SRRM4: variants seen among roughly 807,000 people sequenced by gnomAD.
SRRM4 encodes the protein serine/arginine repetitive matrix 4.
SRRM4 carries 33 observed loss-of-function variants against 68.9 expected under a neutral mutation model. That is an observed-to-expected ratio of 0.48 (90% CI 0.36 to 0.64). The LOEUF is 0.64. SRRM4 is among the 30% of genes least tolerant of loss of function. The pLI is 0.00. For synonymous variants in SRRM4, 318 were observed against 318.8 expected (o/e 1.00, Z 0.03); for missense variants, 817 against 827.1 (o/e 0.99, Z 0.15).
chr12:119,030,205 G>A (rs1471928240), intron 1 of SRRM4, among the ~76,000 whole-genome samples: 1 of 152,192 alleles, frequency 6.6e-6, no homozygotes, highest in Non-Finnish European at 1.5e-5. Flanking sequence ...GAAATGTCAG[G>A]AACCAAGGGA....
rs1249135811 is a variant in SRRM4, at chr12:119,162,332, C to T, written c.*5534C>T. On this transcript the variant is annotated 3_prime_UTR_variant, in exon 13 of 13. Coordinates refer to ENST00000267260, the MANE Select transcript of SRRM4 (RefSeq NM_194286.4). ...AACTCTTGTATCCTGGGTTAAAGCC[C>T]TCTGTATTTAGTTTGAACTTCTCTC... The T allele has an allele frequency of 6.6e-6, 1 of 152,194 alleles. No individual in the cohort carries two copies. The highest frequency in any genetic ancestry group is 6.5e-5 in the Admixed American group (1 of 15,290). 9.4% of individuals were successfully genotyped at this position (152,194 alleles called of 1,614,324 possible). A position where few individuals can be genotyped will look rare whatever the true frequency, so the allele number is the denominator to read the frequency against.
chr12:119,112,758 C>T (rs1403370620), intron 2 of SRRM4, among the ~76,000 whole-genome samples: 1 of 152,096 alleles, frequency 6.6e-6, no homozygotes, highest in Non-Finnish European at 1.5e-5. Context: ...ACATTGAGAA[C>T]ACATGGACAC....
At chr12:119,082,149 G>C (rs1297698496) in intron 1 of SRRM4, among the ~76,000 whole-genome samples, 1 of 152,052 alleles carries the variant, frequency 6.6e-6, no homozygotes, top group African/African-American at 2.4e-5. Flanking sequence ...TATTCGGCAG[G>C]AGTTACAGAG....
intron 1 of SRRM4, among the ~76,000 whole-genome samples, chr12:119,037,690 G>C (rs909266562): frequency 6.6e-6 from 1 of 152,182 alleles, no homozygotes; most frequent in Admixed American, 6.5e-5. Flanking sequence ...GTGTTGCTGG[G>C]CATGTGGTGG....
At chr12:119,063,806 A>G (rs140506448) in intron 1 of SRRM4, among the ~76,000 whole-genome samples, 1 of 152,326 alleles carries the variant, frequency 6.6e-6, no homozygotes, top group Non-Finnish European at 1.5e-5. Flanking sequence ...AATAAAGAAT[A>G]CCATCAAACA....
intron 2 of SRRM4, among the ~76,000 whole-genome samples, chr12:119,110,547 C>T (rs560787733): frequency 8.5e-5 from 13 of 152,344 alleles, no homozygotes; most frequent in East Asian, 3.9e-4. Flanking sequence ...GCCCCAGCCT[C>T]GCTGCCGCCT....
At position 119,068,073 on chromosome 12, in the gene SRRM4, C is replaced by A. The variant is rs571926127; in HGVS notation, c.132-34163C>A. Among the ~76,000 whole-genome samples the A allele has an allele frequency of 3.3e-5, 5 of 152,210 alleles. 1 individual carries two copies. The South Asian group carries it at 6.2e-4, about 19-fold the overall frequency. On this transcript the variant is annotated intron_variant, in intron 1 of 12. Coordinates refer to ENST00000267260, the MANE Select transcript of SRRM4 (RefSeq NM_194286.4). The stretch of plus-strand genomic sequence containing the variant: ...TCCAAGTGGGGACAGAGCCCAGGAC[C>A]GTGGCAGCGTAACCTGGTGTTTAAA...
chr12:119,084,563 T>C (rs996801355), intron 1 of SRRM4, among the ~76,000 whole-genome samples: 1 of 152,186 alleles, frequency 6.6e-6, no homozygotes, highest in Non-Finnish European at 1.5e-5. Context: ...TTAGTTAACC[T>C]CTCCCTTGCT....
At chr12:118,986,189 A>G (rs1953280882) in intron 1 of SRRM4, among the ~76,000 whole-genome samples, 1 of 152,262 alleles carries the variant, frequency 6.6e-6, no homozygotes, top group East Asian at 1.9e-4. Context: ...TGCTGACTTG[A>G]TCATCAGGAG....
intron 1 of SRRM4, among the ~76,000 whole-genome samples, chr12:119,060,239 CACA>C (rs1953802454): frequency 6.6e-6 from 1 of 151,448 alleles, no homozygotes; most frequent in South Asian, 2.1e-4. Flanking sequence ...ATATACGATG[CACA>C]AACTCTTTTC....
chr12:119,114,606 C>T (rs546372707), intron 3 of SRRM4, among the ~76,000 whole-genome samples: 5 of 150,546 alleles, frequency 3.3e-5, no homozygotes, highest in Admixed American at 6.6e-5. Context: ...AATGTGGAAG[C>T]GGCTGTCACA....
chr12:119,050,027 A>C (rs570896876), intron 1 of SRRM4, among the ~76,000 whole-genome samples: 2 of 152,328 alleles, frequency 1.3e-5, no homozygotes, highest in South Asian at 4.1e-4. Flanking sequence ...TTCAGCCTCA[A>C]ACAAGTAGTA....
intron 1 of SRRM4, among the ~76,000 whole-genome samples, chr12:119,042,390 C>G (rs1458254561): frequency 2.0e-4 from 31 of 151,886 alleles, no homozygotes; most frequent in Admixed American, 2.0e-3. Flanking sequence ...ACAAGACTTG[C>G]AATAAATAGG....
At chr12:118,991,000 T>C (rs556498680) in intron 1 of SRRM4, among the ~76,000 whole-genome samples, 8 of 152,180 alleles carry the variant, frequency 5.3e-5, no homozygotes, top group Non-Finnish European at 8.8e-5. Flanking sequence ...AGACAGGGTT[T>C]CACCATTTTG....
chr12:119,110,519 G>A (rs1282964877), intron 2 of SRRM4, among the ~76,000 whole-genome samples: 1 of 152,178 alleles, frequency 6.6e-6, no homozygotes, highest in Admixed American at 6.5e-5. Context: ...TTAAGCTTCA[G>A]CAATGGCGGA....
intron 1 of SRRM4, among the ~76,000 whole-genome samples, chr12:119,027,298 C>T (rs950338017): frequency 6.6e-6 from 1 of 152,176 alleles, no homozygotes; most frequent in Non-Finnish European, 1.5e-5. Context: ...TTTCTAAACT[C>T]ATATAAAGTA....
In SRRM4 at chr12:119,045,491, C is replaced by G. The variant is rs189916956; in HGVS notation, c.132-56745C>G. ...CCCTTCCCCCACTCCCCCGCTCCCC[C>G]CCGCCCCAAAACACTCACAGAGACA... On this transcript the variant is annotated intron_variant, in intron 1 of 12. Transcript: ENST00000267260. Among the ~76,000 whole-genome samples, 234 of 148,326 alleles carry G rather than the reference C, an allele frequency of 1.6e-3. 2 individuals are homozygous for G. The highest frequency in any genetic ancestry group is 7.4e-3 in the East Asian group (37 of 4,970).
At chr12:119,026,711 G>A (rs560969203) in intron 1 of SRRM4, among the ~76,000 whole-genome samples, 233 of 152,052 alleles carry the variant, frequency 1.5e-3, no homozygotes, top group African/African-American at 5.5e-3. Flanking sequence ...ACCTCACCCG[G>A]CTAATTTTTG....
Position 119,152,363 on chromosome 12 carries a change from T to C in SRRM4, c.1280+1143T>C, listed in dbSNP as rs553460916. Among the ~76,000 whole-genome samples the C allele has an allele frequency of 1.4e-3, 215 of 152,166 alleles. 1 individual carries two copies. Among genetic ancestry groups the C allele is most frequent in the Non-Finnish European group, 2.6e-3 (176 of 68,000 alleles). ...AAAAGAAAAATTAAGGAAAGAAATA[T>C]AAAATTAAGTCAGGAGACAGTCCCA... On this transcript the variant is annotated intron_variant, in intron 10 of 12. Coordinates refer to ENST00000267260, the MANE Select transcript of SRRM4 (RefSeq NM_194286.4).
Sources: allele counts gnomAD v4.1 joint callset (sites outside exome capture counted in the v4.1 genomes callset), GRCh38; gene constraint gnomAD v4.1.1; transcripts MANE v1.5; gene names NCBI Gene and HGNC (gene_info 2026-07-23, HGNC 2026-07-21).